ATG9B: variants seen among roughly 807,000 people sequenced by gnomAD.
ATG9B encodes autophagy related 9B.
ATG9B carries 92 observed loss-of-function variants against 92.9 expected under a neutral mutation model. That is an observed-to-expected ratio of 0.99 (90% CI 0.84 to 1.18). The LOEUF (loss-of-function observed/expected upper bound fraction) is 1.18. Among genes scored for constraint, ATG9B ranks in the 50% most tolerant of loss-of-function variants. ATG9B has a pLI of 0.00. For missense variants in ATG9B, 1,344 were observed against 1,235.0 expected (o/e 1.09, Z -1.32); for synonymous variants, 599 against 551.4 (o/e 1.09, Z -1.21).
chr7:151,015,627 C>CTAGAGGCAGAGGG lies in ATG9B; in HGVS notation c.*100_*101insCCCTCTGCCTCTA. The CTAGAGGCAGAGGG allele has an allele frequency of 2.6e-6, 1 of 383,462 alleles. No individual in the cohort carries two copies. Among genetic ancestry groups the CTAGAGGCAGAGGG allele is most frequent in the Non-Finnish European group, 4.6e-6 (1 of 219,076 alleles). The allele number at this position is 383,462 out of a possible 1,614,324, so 23.8% of individuals were successfully genotyped here. On this transcript the variant is annotated 3_prime_UTR_variant, in exon 14 of 14. Coordinates refer to ENST00000639579, the MANE Select transcript of ATG9B (RefSeq NM_001317056.2). ...GTCCTGCCCAACTAAAGCACCTGGG[C>CTAGAGGCAGAGGG]CTGTCATCTATGGGGCCTCTAACAA... is the stretch of plus-strand genomic sequence containing the variant.
Position 151,023,920 on chromosome 7 carries a change from G to A in ATG9B, c.504C>T (p.His168=), listed in dbSNP as rs754734547. The part of the protein sequence containing the change: ...DPEGSQDSPI[H]GEEQQPLLHV... ...GAAGCAGGGGTTGCTGCTCCTCCCC[G>A]TGGATGGGTGAGTCTTGGGACCCCT... Residue 168 remains histidine (H), a synonymous_variant, in exon 1 of 14, where the codon CAC becomes CAT. Coordinates refer to ENST00000639579, the MANE Select transcript of ATG9B (RefSeq NM_001317056.2). 107 of 1,599,160 alleles carry A rather than the reference G, an allele frequency of 6.7e-5. No homozygotes were observed. The highest frequency in any genetic ancestry group is 6.4e-4 in the Admixed American group (37 of 57,786).
Position 151,019,374 on chromosome 7 carries a change from CCTGAAAGGGGCA to C in ATG9B, c.964-12_964-1del, listed in dbSNP as rs1795664670. ...GCCCAGGGAACCGAGCTCAGCTCCT[CCTGAAAGGGGCA>C]CTGATGAGAGCCAGCGACCCCCCAT... On this transcript the variant is annotated splice_acceptor_variant and splice_polypyrimidine_tract_variant and intron_variant, in intron 5 of 13. Transcript: ENST00000639579. LOFTEE classifies it high-confidence loss of function. The C allele has an allele frequency of 5.9e-6, 9 of 1,514,894 alleles. No homozygotes were observed. In the Admixed American group the frequency reaches 1.3e-4, roughly 21 times the overall value. 93.8% of individuals were successfully genotyped at this position (1,514,894 alleles called of 1,614,324 possible).
chr7:151,016,921 G>T, intron 9 of ATG9B, 100 bp from the exon 10 acceptor site: 1 of 1,514,996 alleles, frequency 6.6e-7, no homozygotes. Context: ...AGGAGAGCAG[G>T]CTGGGGGCGG....
At chr7:151,016,329 G>T in intron 11 of ATG9B, 94 bp from the exon 12 acceptor site, 1 of 1,488,460 alleles carries the variant, frequency 6.7e-7, no homozygotes, top group Admixed American at 2.2e-5. Flanking sequence ...GCCTCCTCCT[G>T]CCACTCTGCT....
At chr7:151,022,619 T>C (rs907931154) in intron 4 of ATG9B, among the ~76,000 whole-genome samples, 1 of 151,824 alleles carries the variant, frequency 6.6e-6, no homozygotes, top group African/African-American at 2.4e-5. Context: ...GAGGCCAAAG[T>C]GGGTGGATCA....
chr7:151,012,875 G>A (rs1795336843), downstream of ATG9B: 1 of 348,624 alleles, frequency 2.9e-6, no homozygotes, highest in Non-Finnish European at 5.3e-6. Flanking sequence ...AAAAGAAGAG[G>A]GCTGTGACTG....
intron 13 of ATG9B, 26 bp downstream of exon 13, chr7:151,015,856 C>T (rs1584918948): frequency 6.5e-7 from 1 of 1,537,330 alleles, no homozygotes; most frequent in Admixed American, 2.0e-5. Flanking sequence ...TCCTTTCTCC[C>T]TCCCCTCACA....
In ATG9B at chr7:151,017,094, G is replaced by A. The variant is rs755963670; in HGVS notation, c.2231C>T (p.Ala744Val). Residue 744 changes from alanine to valine, a missense_variant, in exon 9 of 14, where the codon GCC becomes GTC. Coordinates refer to ENST00000639579, the MANE Select transcript of ATG9B (RefSeq NM_001317056.2). Reference sequence around the variant, plus strand: ...GGTGGAGGGGCCGCGAGCCGAGGTGGCACCCCAGGCAGCTGCATCTTGTTG... The same window carrying A: ...GGTGGAGGGGCCGCGAGCCGAGGTGACACCCCAGGCAGCTGCATCTTGTTG... ...RVQQDAAAWG[A>V]TSARGPSTPG... The A allele has an allele frequency of 2.5e-6, 4 of 1,611,106 alleles. No individual in the cohort carries two copies. The highest frequency in any genetic ancestry group is 3.4e-6 in the Non-Finnish European group (4 of 1,179,142).
chr7:151,015,720 G>T lies in ATG9B; in HGVS notation c.*15-7C>A. ...GCTGCCGAAGCCAGGGTACCTGTGG[G>T]AGGAGACGGCTCTTGGCAAGCAGTC... On this transcript the variant is annotated splice_region_variant and splice_polypyrimidine_tract_variant and intron_variant, in intron 13 of 13. Transcript: ENST00000639579. The T allele has an allele frequency of 1.0e-6, 1 of 980,614 alleles. No individual in the cohort carries two copies. The highest frequency in any genetic ancestry group is 1.4e-6 in the Non-Finnish European group (1 of 713,266). 60.7% of individuals were successfully genotyped at this position (980,614 alleles called of 1,614,324 possible). A position where few individuals can be genotyped will look rare whatever the true frequency, so the allele number is the denominator to read the frequency against.
In ATG9B at chr7:151,019,254, G is replaced by A. The variant is rs1481705843; in HGVS notation, c.1084C>T (p.Leu362=). 2 of 1,571,642 alleles carry A rather than the reference G, an allele frequency of 1.3e-6. No homozygotes were observed. The highest frequency in any genetic ancestry group is 1.7e-6 in the Non-Finnish European group (2 of 1,165,738). The part of the protein sequence containing the change: ...LTELDIHHRI[L]RYTNYQVALA... ...GCCACCTGGTAGTTGGTGTAGCGCA[G>A]GATGCGGTGGTGGATGTCCAGCTCC... Residue 362 remains leucine (L), a synonymous_variant, in exon 6 of 14, where the codon CTG becomes TTG. Coordinates refer to ENST00000639579, the MANE Select transcript of ATG9B (RefSeq NM_001317056.2).
chr7:151,023,429 G>A lies in ATG9B; in HGVS notation c.659+16C>T, dbSNP rs373527116. ...GCCCAGGGGACCGAGTTCCGGGCCC[G>A]GGCTAAGCGTCTCACCCCAGCTGGA... On this transcript the variant is annotated intron_variant, in intron 3 of 13. Transcript: ENST00000639579. 20 of 1,612,344 alleles carry A rather than the reference G, an allele frequency of 1.2e-5. No homozygotes were observed. The highest frequency in any genetic ancestry group is 4.0e-5 in the African/African-American group (3 of 74,874).
chr7:151,023,223 G>A lies in ATG9B; in HGVS notation c.660-17C>T, dbSNP rs186532668. 6.4e-5 allele frequency: 103 copies of A among 1,613,966 alleles called. No homozygotes were observed. Among genetic ancestry groups the A allele is most frequent in the Non-Finnish European group, 8.4e-5 (99 of 1,180,014 alleles). On this transcript the variant is annotated splice_polypyrimidine_tract_variant and intron_variant, in intron 3 of 13. Transcript: ENST00000639579. Reference sequence around the variant, plus strand: ...ATAAATTGTCTGCCGGGAGGAAGGGGGGGTGCCGGGATGCTGCAGTGATCA... The same window carrying A: ...ATAAATTGTCTGCCGGGAGGAAGGGAGGGTGCCGGGATGCTGCAGTGATCA...
At chr7:151,014,604 T>G (rs1308729554), downstream of ATG9B, 1 of 156,234 alleles carries the variant, frequency 6.4e-6, no homozygotes, top group Non-Finnish European at 1.4e-5. Context: ...ATTACAGTTT[T>G]TTTTTTTTGT....
intron 5 of ATG9B, 148 bp from the exon 6 acceptor site, chr7:151,019,522 C>T: frequency 9.0e-7 from 1 of 1,115,128 alleles, no homozygotes; most frequent in Non-Finnish European, 1.2e-6. Context: ...TCGTCCCCCT[C>T]TCCCACCTTT....
intron 5 of ATG9B, 142 bp from the exon 6 acceptor site, chr7:151,019,516 C>A: frequency 8.7e-7 from 1 of 1,144,930 alleles, no homozygotes; most frequent in South Asian, 1.8e-5. Context: ...GCTACATCGT[C>A]CCCCTCTCCC....
intron 5 of ATG9B, 80 bp from the exon 6 acceptor site, chr7:151,019,454 C>T: frequency 1.4e-6 from 2 of 1,452,708 alleles, no homozygotes; most frequent in South Asian, 1.5e-5. Flanking sequence ...CCTAAGTGTG[C>T]GGCCTGAAAA....
At position 151,019,158 on chromosome 7, in the gene ATG9B, G is replaced by C; in HGVS notation, c.1180C>G (p.Arg394Gly). ...AGGTCGACATTGAGCGCCAGGCCGC[G>C]GCTGAGGAAAGCCGCACTGCCTCCC... is the stretch of plus-strand genomic sequence containing the variant. ...PWGGSAAFLS[R>G]GLALNVDLLL... The change falls in exon 6 of 14, where the codon CGC becomes GGC. Residue 394 changes from arginine (R) to glycine (G), a missense_variant. By Grantham distance (125) the Arg-to-Gly change is moderately radical. Coordinates refer to ENST00000639579, the MANE Select transcript of ATG9B (RefSeq NM_001317056.2). 2.6e-6 allele frequency: 4 copies of C among 1,536,342 alleles called. No individual in the cohort carries two copies. The highest frequency in any genetic ancestry group is 2.7e-5 in the African/African-American group (2 of 73,154).
intron 5 of ATG9B, among the ~76,000 whole-genome samples, 170 bp from the exon 6 acceptor site, chr7:151,019,544 C>T (rs367788711): frequency 4.6e-4 from 70 of 152,338 alleles, no homozygotes; most frequent in African/African-American, 1.5e-3. Flanking sequence ...TCTTTCTGCC[C>T]TCCCTTAACC....
Position 151,018,516 on chromosome 7 carries a change from G to A in ATG9B, c.1719-69C>T. The A allele has an allele frequency of 2.0e-6, 3 of 1,523,178 alleles. No individual in the cohort carries two copies. Among genetic ancestry groups the A allele is most frequent in the Non-Finnish European group, 8.8e-7 (1 of 1,137,472 alleles). The allele number at this position is 1,523,178 out of a possible 1,614,324, so 94.4% of individuals were successfully genotyped here. ...GGACGCGCGGTGGGATGTAGGGCTA[G>A]AGGGCCCCAGTGGTGGGAGAGGTAA... On this transcript the variant is annotated intron_variant, in intron 6 of 13. Transcript: ENST00000639579. The surrounding 1 kb of genome is among the most constrained non-coding windows in gnomAD (Gnocchi z 4.7).
Sources: allele counts gnomAD v4.1 joint callset (sites outside exome capture counted in the v4.1 genomes callset), GRCh38; gene constraint gnomAD v4.1.1; non-coding constraint Gnocchi (gnomAD v3.1); transcripts MANE v1.5; gene names NCBI Gene and HGNC (gene_info 2026-07-23, HGNC 2026-07-21).